The following XYLT1 variants were observed in gnomAD, a reference collection of about 807,000 sequenced individuals.
The protein encoded by XYLT1 is beta-D-xylosyltransferase 1.
XYLT1 carries 36 observed loss-of-function variants against 91.3 expected under a neutral mutation model. That is an observed-to-expected ratio of 0.39 (90% CI 0.30 to 0.52). The LOEUF (loss-of-function observed/expected upper bound fraction) is 0.52, where lower values mean the gene tolerates loss of function less well. Among genes scored for constraint, XYLT1 ranks in the 20% least tolerant of loss-of-function variants. The pLI is 0.68. For synonymous variants in XYLT1, 588 were observed against 532.0 expected, an observed-to-expected ratio of 1.11 and a Z score of -1.45; for missense variants, 1,242 against 1,284.5, an observed-to-expected ratio of 0.97 and a Z score of 0.51.
intron 2 of XYLT1, among the ~76,000 whole-genome samples, chr16:17,306,225 G>C (rs1323119883): frequency 6.6e-6 from 1 of 152,146 alleles, no homozygotes; most frequent in East Asian, 1.9e-4. Context: ...AAGCGGTTGG[G>C]AGAGGGAAAA....
chr16:17,385,085 C>T (rs749403537), intron 1 of XYLT1, among the ~76,000 whole-genome samples: 15 of 151,740 alleles, frequency 9.9e-5, no homozygotes, highest in Non-Finnish European at 2.1e-4. Context: ...CAGTTCTCTG[C>T]ATTTACTCCC....
chr16:17,270,671 G>A (rs989225632), intron 2 of XYLT1, among the ~76,000 whole-genome samples: 19 of 152,226 alleles, frequency 1.2e-4, no homozygotes, highest in Non-Finnish European at 5.9e-5. Flanking sequence ...AGCTAAGCCC[G>A]TGGCTTGGCA....
chr16:17,306,599 T>C (rs2034474900), intron 2 of XYLT1, among the ~76,000 whole-genome samples: 1 of 151,246 alleles, frequency 6.6e-6, no homozygotes. Flanking sequence ...CTAAGTAAGA[T>C]ACAATTCCTC....
intron 1 of XYLT1, among the ~76,000 whole-genome samples, chr16:17,389,858 G>C (rs977704179): frequency 6.6e-6 from 1 of 152,068 alleles, no homozygotes; most frequent in Non-Finnish European, 1.5e-5. Flanking sequence ...TAAATTTACC[G>C]ACAGCTTAAG....
chr16:17,138,746 T>A (rs1329145191), intron 7 of XYLT1: 1 of 531,478 alleles, frequency 1.9e-6, no homozygotes, highest in African/African-American at 1.9e-5. Flanking sequence ...AGCCTCAGAT[T>A]TTCCTTCATA....
intron 1 of XYLT1, among the ~76,000 whole-genome samples, chr16:17,449,654 C>T (rs2141949284): frequency 6.6e-6 from 1 of 152,294 alleles, no homozygotes; most frequent in South Asian, 2.1e-4. Context: ...ATATAAAACG[C>T]CTAACATGTA....
intron 1 of XYLT1, among the ~76,000 whole-genome samples, chr16:17,406,498 G>T (rs2036034749): frequency 6.6e-6 from 1 of 152,224 alleles, no homozygotes; most frequent in Non-Finnish European, 1.5e-5. Flanking sequence ...GACTAAGTTG[G>T]TTTCCGTCAC....
chr16:17,343,063 C>T (rs756368273), intron 2 of XYLT1, among the ~76,000 whole-genome samples: 70 of 152,220 alleles, frequency 4.6e-4, no homozygotes, highest in Admixed American at 7.2e-4. Context: ...GAAAGTAACA[C>T]GTAAACACCT....
At chr16:17,234,068 G>C (rs1018094009) in intron 3 of XYLT1, among the ~76,000 whole-genome samples, 1 of 152,130 alleles carries the variant, frequency 6.6e-6, no homozygotes, top group African/African-American at 2.4e-5. Flanking sequence ...AAGAAGACCG[G>C]ACCTAAGACA....
At chr16:17,470,329 G>T (rs1269576144) in intron 1 of XYLT1, 105 bp downstream of exon 1, 2 of 1,175,398 alleles carry the variant, frequency 1.7e-6, no homozygotes, top group Non-Finnish European at 2.1e-6. Flanking sequence ...CGGTAGGCTT[G>T]CAGAGTCCCA....
intron 1 of XYLT1, among the ~76,000 whole-genome samples, chr16:17,359,064 G>A (rs948634605): frequency 1.3e-5 from 2 of 152,162 alleles, no homozygotes; most frequent in Non-Finnish European, 2.9e-5. Flanking sequence ...GGGAGGAGTT[G>A]GTGGTGTCCA....
chr16:17,263,576 T>C (rs933895784), intron 2 of XYLT1, among the ~76,000 whole-genome samples: 1 of 151,818 alleles, frequency 6.6e-6, no homozygotes, highest in Non-Finnish European at 1.5e-5. Context: ...ACTAGATCGC[T>C]TCCAGAAAAG....
intron 2 of XYLT1, among the ~76,000 whole-genome samples, chr16:17,271,151 TTTTGTTTGTTTG>T (rs76240696): frequency 8.6e-5 from 13 of 151,362 alleles, no homozygotes; most frequent in Non-Finnish European, 1.6e-4. Context: ...CCTAACTGTT[TTTTGTTTGTTTG>T]TTTGTTTGTT....
chr16:17,280,145 G>A (rs4782015), intron 2 of XYLT1, among the ~76,000 whole-genome samples: 23,951 of 152,188 alleles, frequency 0.16, 2,308 homozygotes, highest in African/African-American at 0.27. Context: ...GAGGTCAGGA[G>A]TTTGAGACCA....
At chr16:17,420,899 C>T (rs1392878906) in intron 1 of XYLT1, among the ~76,000 whole-genome samples, 1 of 152,194 alleles carries the variant, frequency 6.6e-6, no homozygotes, top group Non-Finnish European at 1.5e-5. Context: ...AAACACACTT[C>T]AGATTTCTAA....
At chr16:17,201,478 T>TC (rs2032540457) in intron 3 of XYLT1, among the ~76,000 whole-genome samples, 1 of 150,720 alleles carries the variant, frequency 6.6e-6, no homozygotes, top group African/African-American at 2.4e-5. Context: ...AGGTTATCTT[T>TC]TTTTTTTTTT....
At chr16:17,222,191 C>T (rs1181991975) in intron 3 of XYLT1, among the ~76,000 whole-genome samples, 1 of 152,142 alleles carries the variant, frequency 6.6e-6, no homozygotes, top group Non-Finnish European at 1.5e-5. Context: ...CCTAGAGGAA[C>T]ATTTATATTT....
intron 2 of XYLT1, among the ~76,000 whole-genome samples, chr16:17,269,699 C>T (rs779349775): frequency 1.3e-5 from 2 of 152,120 alleles, no homozygotes; most frequent in Non-Finnish European, 2.9e-5. Flanking sequence ...CACACATAGA[C>T]CAACCCTCCC....
At chr16:17,190,934 G>T (rs1443898610) in intron 5 of XYLT1, among the ~76,000 whole-genome samples, 3 of 152,198 alleles carry the variant, frequency 2.0e-5, no homozygotes, top group African/African-American at 7.2e-5. Context: ...CTGTGCCTCA[G>T]TTTATTCATC....
Sources: allele counts gnomAD v4.1 joint callset (sites outside exome capture counted in the v4.1 genomes callset), GRCh38; gene constraint gnomAD v4.1.1; transcripts MANE v1.5; gene names NCBI Gene and HGNC (gene_info 2026-07-23, HGNC 2026-07-21).